Variants in GRM1 observed in about 807,000 individuals in gnomAD.
The protein encoded by GRM1 is glutamate metabotropic receptor 1, also known as metabotropic glutamate receptor 1.
In GRM1, 33 loss-of-function variants were observed where a neutral mutation model predicts 90.9. The observed-to-expected ratio is 0.36, with a 90% CI of 0.28 to 0.49. The LOEUF (loss-of-function observed/expected upper bound fraction) is 0.49, where lower values mean the gene tolerates loss of function less well. Ranked by LOEUF, GRM1 falls within the 20% of genes least tolerant of loss-of-function variation. GRM1 has a pLI of 0.99. For missense variants in GRM1, 1,190 were observed against 1,534.3 expected, an observed-to-expected ratio of 0.78 and a Z score of 3.75; for synonymous variants, 700 against 613.2, an observed-to-expected ratio of 1.14 and a Z score of -2.09.
At chr6:146,249,697 C>T (rs1781204175) in intron 2 of GRM1, among the ~76,000 whole-genome samples, 1 of 152,164 alleles carries the variant, frequency 6.6e-6, no homozygotes, top group Non-Finnish European at 1.5e-5. Context: ...TACAGAGTTC[C>T]CACTGGGGTA....
At chr6:146,334,605 G>A (rs1023781875) in intron 3 of GRM1, among the ~76,000 whole-genome samples, 1 of 152,276 alleles carries the variant, frequency 6.6e-6, no homozygotes, top group East Asian at 1.9e-4. Flanking sequence ...GTTACTGAAA[G>A]TTGCATTGGT....
At chr6:146,294,622 T>G (rs1783112278) in intron 2 of GRM1, among the ~76,000 whole-genome samples, 1 of 152,148 alleles carries the variant, frequency 6.6e-6, no homozygotes, top group African/African-American at 2.4e-5. Flanking sequence ...TCTAACAAAT[T>G]TTGCCAGCTT....
chr6:146,258,056 C>G (rs928100817), intron 2 of GRM1, among the ~76,000 whole-genome samples: 1 of 151,856 alleles, frequency 6.6e-6, no homozygotes, highest in Non-Finnish European at 1.5e-5. Context: ...ACTAAACTGC[C>G]CAGCAGTTAC....
At chr6:146,122,839 C>CTTTTTTTTTTTTTT (rs57859188) in intron 1 of GRM1, among the ~76,000 whole-genome samples, 290 of 62,192 alleles carry the variant, frequency 4.7e-3, no homozygotes, top group Non-Finnish European at 5.7e-3. Flanking sequence ...TCTTTTCTTT[C>CTTTTTTTTTTTTTT]TTTTTTTTTT....
At chr6:146,142,548 A>G (rs1468755581) in intron 1 of GRM1, among the ~76,000 whole-genome samples, 2 of 152,116 alleles carry the variant, frequency 1.3e-5, no homozygotes, top group East Asian at 3.9e-4. Flanking sequence ...CTGGAGTCAG[A>G]AAACTTAGGG....
intron 2 of GRM1, among the ~76,000 whole-genome samples, chr6:146,212,447 C>T (rs1205736241): frequency 6.6e-6 from 1 of 152,220 alleles, no homozygotes; most frequent in Non-Finnish European, 1.5e-5. Flanking sequence ...GTAGGTGACG[C>T]GGGTTGGGTT....
intron 2 of GRM1, among the ~76,000 whole-genome samples, chr6:146,267,262 C>A (rs935546491): frequency 6.6e-6 from 1 of 152,092 alleles, no homozygotes; most frequent in Admixed American, 6.6e-5. Context: ...TGTATATGTA[C>A]GGCATTTTTT....
intron 2 of GRM1, among the ~76,000 whole-genome samples, chr6:146,246,335 G>A (rs964652566): frequency 6.6e-6 from 1 of 152,180 alleles, no homozygotes; most frequent in African/African-American, 2.4e-5. Context: ...AAGTTGGTAA[G>A]ATTCCTAGAT....
chr6:146,343,343 GA>G (rs1785050396), intron 3 of GRM1, among the ~76,000 whole-genome samples: 1 of 152,086 alleles, frequency 6.6e-6, no homozygotes. Flanking sequence ...TATGCTCTTT[GA>G]AAGCTACTCA....
intron 2 of GRM1, among the ~76,000 whole-genome samples, chr6:146,173,754 C>T (rs572063758): frequency 7.3e-5 from 11 of 151,508 alleles, no homozygotes; most frequent in African/African-American, 2.2e-4. Flanking sequence ...GCAATCTCCA[C>T]CTCCTGGGTT....
At chr6:146,134,540 C>A (rs1291991123) in intron 1 of GRM1, among the ~76,000 whole-genome samples, 1 of 152,144 alleles carries the variant, frequency 6.6e-6, no homozygotes, top group Non-Finnish European at 1.5e-5. Context: ...CAAACATGTC[C>A]TTCTTCACAT....
rs56956724 is a variant in GRM1 at position 146,260,804 on chromosome 6, G to GTTTTTTTTTTTTTT, written c.951-43787_951-43774dup. Reference sequence around the variant, plus strand: ...CCCATTTTTTAATTAGGTTATTTGGGTTTTTTTTTTTTTTTTTTTTTTTTT... The same window carrying GTTTTTTTTTTTTTT: ...CCCATTTTTTAATTAGGTTATTTGGGTTTTTTTTTTTTTTTTTTTTTTTTTTTTTTTTTTTTTTT... On this transcript the variant is annotated intron_variant, in intron 2 of 7. Transcript: ENST00000282753. Among the ~76,000 whole-genome samples, 27 of 22,738 alleles carry GTTTTTTTTTTTTTT rather than the reference G, an allele frequency of 1.2e-3. 5 individuals carry two copies. The highest frequency in any genetic ancestry group is 4.4e-3 in the African/African-American group (26 of 5,914). 14.9% of individuals were successfully genotyped at this position (22,738 alleles called of 152,430 possible).
At chr6:146,327,186 G>T (rs1784424846) in intron 3 of GRM1, among the ~76,000 whole-genome samples, 2 of 152,182 alleles carry the variant, frequency 1.3e-5, no homozygotes, top group East Asian at 3.9e-4. Context: ...GCCATCCAAA[G>T]GATACCACTT....
At chr6:146,366,313 C>T (rs1775684605) in intron 5 of GRM1, among the ~76,000 whole-genome samples, 1 of 152,118 alleles carries the variant, frequency 6.6e-6, no homozygotes, top group African/African-American at 2.4e-5. Flanking sequence ...TATCCATCTC[C>T]TCAAATATTT....
At position 146,304,781 on chromosome 6, in the gene GRM1, A is replaced by G. The variant is rs1225708519; in HGVS notation, c.1121A>G (p.His374Arg). 1 of 1,614,108 alleles carries G rather than the reference A, an allele frequency of 6.2e-7. No homozygotes were observed. Among genetic ancestry groups the G allele is most frequent in the Admixed American group, 1.7e-5 (1 of 59,996 alleles). ...CCCTGGTTCCCTGAGTTCTGGCAAC[A>G]TCGGTTCCAGTGCCGCCTTCCAGGA... Reference protein sequence around the residue: ...RNPWFPEFWQHRFQCRLPGHL... With the variant: ...RNPWFPEFWQRRFQCRLPGHL... Residue 374 changes from histidine (H) to arginine (R), a missense_variant, in exon 3 of 8, where the codon CAT becomes CGT. Coordinates refer to ENST00000282753, the MANE Select transcript of GRM1 (RefSeq NM_001278064.2).
chr6:146,074,929 G>T (rs974975834), intron 1 of GRM1, among the ~76,000 whole-genome samples: 12 of 152,140 alleles, frequency 7.9e-5, no homozygotes, highest in South Asian at 2.1e-4. Context: ...ATACCGTTAT[G>T]CTGCCAAATA....
At chr6:146,314,840 A>G (rs936383218) in intron 3 of GRM1, among the ~76,000 whole-genome samples, 1 of 152,152 alleles carries the variant, frequency 6.6e-6, no homozygotes, top group Non-Finnish European at 1.5e-5. Context: ...ATTTCTAATT[A>G]GCTAGATTTC....
At position 146,267,684 on chromosome 6, in the gene GRM1, T is replaced by TGGG. The variant is rs1562568662; in HGVS notation, c.951-36927_951-36926insGGG. On this transcript the variant is annotated intron_variant, in intron 2 of 7. Transcript: ENST00000282753. Reference sequence around the variant, plus strand: ...TGGGCTGGGCTGGGCTGGGCTGGGCTCGGCTCGGCTCGGCTCGGCTCGTCT... The same window carrying TGGG: ...TGGGCTGGGCTGGGCTGGGCTGGGCTGGGCGGCTCGGCTCGGCTCGGCTCGTCT... Among the ~76,000 whole-genome samples the TGGG allele has an allele frequency of 7.7e-5, 8 of 103,390 alleles. No individual in the cohort carries two copies. In the East Asian group the frequency reaches 1.1e-3, roughly 15 times the overall value. The allele number at this position is 103,390 out of a possible 152,430, so 67.8% of individuals were successfully genotyped here.
chr6:146,330,818 C>A (rs1485819588), intron 3 of GRM1, among the ~76,000 whole-genome samples: 2 of 152,072 alleles, frequency 1.3e-5, no homozygotes, highest in Non-Finnish European at 2.9e-5. Context: ...ACTATTACAT[C>A]ATAATTAACT....
Sources: allele counts gnomAD v4.1 joint callset (sites outside exome capture counted in the v4.1 genomes callset), GRCh38; gene constraint gnomAD v4.1.1; transcripts MANE v1.5; gene names NCBI Gene and HGNC (gene_info 2026-07-23, HGNC 2026-07-21).